MSR1: variants seen among roughly 807,000 people sequenced by gnomAD.
MSR1 encodes the protein macrophage scavenger receptor 1.
Under a neutral mutation model 47.2 loss-of-function variants are expected in MSR1, and 53 were observed. The observed-to-expected ratio is 1.12, with a 90% CI of 0.90 to 1.41. The LOEUF is 1.41. Ranked by LOEUF, MSR1 falls within the 40% of genes most tolerant of loss-of-function variation. The probability of loss-of-function intolerance (pLI) is 0.00; values close to 1 mark genes in which losing one functional copy is unlikely to be tolerated. For missense variants in MSR1, 786 were observed against 546.9 expected (o/e 1.44, Z -4.36); for synonymous variants, 239 against 185.6 (o/e 1.29, Z -2.34).
At chr8:16,177,001 C>T (rs1033942158) in intron 2 of MSR1, among the ~76,000 whole-genome samples, 7 of 152,082 alleles carry the variant, frequency 4.6e-5, no homozygotes, top group African/African-American at 1.7e-4. Flanking sequence ...ATCCCCTTAG[C>T]GATATGTATT....
In MSR1 at chr8:16,175,299, A is replaced by G. The variant is rs142585229; in HGVS notation, c.105T>C (p.Asn35=). The G allele has an allele frequency of 6.2e-7, 1 of 1,612,588 alleles. No homozygotes were observed. Among genetic ancestry groups the G allele is most frequent in the Non-Finnish European group, 8.5e-7 (1 of 1,178,744 alleles). ...ARSMTALLPP[N]PKNSPSLQEK... ...CTTGAAGGGAAGGGCTGTTTTTAGG[A>G]TCTAATAAAACAAAAAAGCCCAGCC... The change falls in exon 3 of 10, where the codon AAT becomes AAC. Residue 35 remains asparagine, a splice_region_variant and synonymous_variant. Coordinates refer to ENST00000262101, the MANE Select transcript of MSR1 (RefSeq NM_138715.3).
chr8:16,117,011 A>C (rs1799890033), intron 9 of MSR1, among the ~76,000 whole-genome samples: 1 of 152,078 alleles, frequency 6.6e-6, no homozygotes, highest in East Asian at 1.9e-4. Context: ...AAAAAGCCTC[A>C]CCTCAGCCAC....
At chr8:16,185,013 G>T (rs796781649) in intron 1 of MSR1, among the ~76,000 whole-genome samples, 1 of 152,040 alleles carries the variant, frequency 6.6e-6, no homozygotes, top group Non-Finnish European at 1.5e-5. Context: ...GAACACTGAA[G>T]CATACTCAGT....
chr8:16,120,437 C>T lies in MSR1; in HGVS notation c.1203G>A (p.Lys401=). The T allele has an allele frequency of 6.2e-7, 1 of 1,613,766 alleles. No homozygotes were observed. Among genetic ancestry groups the T allele is most frequent in the Non-Finnish European group, 8.5e-7 (1 of 1,179,886 alleles). The part of the protein sequence containing the change: ...LGYPGVQAVH[K]AAHFGQGTGP... Reference sequence around the variant, plus strand: ...AATTACCTTGTCCAAAGTGAGCTGCCTTGTGCACGGCTTGAACACCTGGGT... The same window carrying T: ...AATTACCTTGTCCAAAGTGAGCTGCTTTGTGCACGGCTTGAACACCTGGGT... The change falls in exon 9 of 10, where the codon AAG becomes AAA. Residue 401 remains lysine, a synonymous_variant. Coordinates refer to ENST00000262101, the MANE Select transcript of MSR1 (RefSeq NM_138715.3).
chr8:16,163,887 T>A (rs2117168800), intron 5 of MSR1, among the ~76,000 whole-genome samples, 178 bp downstream of exon 5: 1 of 152,082 alleles, frequency 6.6e-6, no homozygotes, highest in African/African-American at 2.4e-5. Context: ...ACCAGGCTAC[T>A]GGTTATCGTA....
intron 1 of MSR1, among the ~76,000 whole-genome samples, chr8:16,179,873 G>A (rs532380135): frequency 1.4e-5 from 1 of 72,424 alleles, no homozygotes; most frequent in South Asian, 5.6e-4. Context: ...GTGAAACCCT[G>A]TGTCTCAAAA....
chr8:16,109,067 A>C lies in MSR1; in HGVS notation c.*1018T>G, dbSNP rs1308642502. On this transcript the variant is annotated 3_prime_UTR_variant, in exon 10 of 10. Transcript: ENST00000262101. ...GTTTCAGGGTAGCTTTTCACACTCT[A>C]CACTATGGCCCTGGGGATGGGTTGA... 1 of 151,916 alleles carries C rather than the reference A, an allele frequency of 6.6e-6. No individual in the cohort carries two copies. Among genetic ancestry groups the C allele is most frequent in the Non-Finnish European group, 1.5e-5 (1 of 67,988 alleles). 9.4% of individuals were successfully genotyped at this position (151,916 alleles called of 1,614,324 possible). A position where few individuals can be genotyped will look rare whatever the true frequency, so the allele number is the denominator to read the frequency against.
chr8:16,140,987 C>T (rs752130146), intron 8 of MSR1: 2 of 1,613,932 alleles, frequency 1.2e-6, no homozygotes, highest in South Asian at 1.1e-5. Context: ...GATGTCCCGC[C>T]CAACCCACCT....
intron 5 of MSR1, among the ~76,000 whole-genome samples, chr8:16,162,952 A>G (rs79263107): frequency 6.6e-6 from 1 of 152,042 alleles, no homozygotes; most frequent in East Asian, 1.9e-4. Flanking sequence ...TTAAAAAAAA[A>G]TAAAGTAGAA....
intron 8 of MSR1, among the ~76,000 whole-genome samples, chr8:16,128,829 TC>T (rs1387956802): frequency 6.6e-6 from 1 of 152,280 alleles, no homozygotes; most frequent in East Asian, 1.9e-4. Context: ...TGATTTTTAT[TC>T]AAAAATGACA....
At chr8:16,169,232 G>T (rs536080454) in intron 3 of MSR1, among the ~76,000 whole-genome samples, 1 of 152,150 alleles carries the variant, frequency 6.6e-6, no homozygotes, top group South Asian at 2.1e-4. Flanking sequence ...GAATAAAGTG[G>T]ACTAATGCTT....
intron 3 of MSR1, among the ~76,000 whole-genome samples, chr8:16,174,103 G>C (rs1395679902): frequency 6.6e-6 from 1 of 152,158 alleles, no homozygotes; most frequent in Non-Finnish European, 1.5e-5. Context: ...TGGATAATGA[G>C]AATAATTACA....
chr8:16,110,644 C>A (rs1343313852), intron 9 of MSR1, among the ~76,000 whole-genome samples: 1 of 152,026 alleles, frequency 6.6e-6, no homozygotes, highest in Non-Finnish European at 1.5e-5. Flanking sequence ...ATAAAATAAA[C>A]CGGAAAAAGG....
At chr8:16,139,522 C>T (rs369528333) in intron 8 of MSR1, 11 of 983,854 alleles carry the variant, frequency 1.1e-5, no homozygotes, top group South Asian at 9.4e-5. Flanking sequence ...TGTGTTAAAA[C>T]GTAAAGGAAA....
intron 8 of MSR1, chr8:16,140,788 G>A (rs1468467263): frequency 1.4e-6 from 2 of 1,472,986 alleles, no homozygotes; most frequent in Admixed American, 2.6e-5. Flanking sequence ...AGTAATTGGA[G>A]TAAGAAGAGG....
chr8:16,183,744 A>T (rs1801910234), intron 1 of MSR1, among the ~76,000 whole-genome samples: 1 of 143,244 alleles, frequency 7.0e-6, no homozygotes, highest in African/African-American at 2.5e-5. Flanking sequence ...AATATATAAT[A>T]TAAATATATG....
intron 8 of MSR1, among the ~76,000 whole-genome samples, chr8:16,136,433 A>T (rs1197315452): frequency 6.6e-6 from 1 of 152,162 alleles, no homozygotes; most frequent in Non-Finnish European, 1.5e-5. Context: ...ACTCCAGTGT[A>T]GTGTAAATAT....
intron 1 of MSR1, among the ~76,000 whole-genome samples, chr8:16,179,150 A>G (rs1801749290): frequency 6.6e-6 from 1 of 152,180 alleles, no homozygotes; most frequent in South Asian, 2.1e-4. Context: ...AAAGTTTTTT[A>G]CAGGTGACAG....
chr8:16,166,258 C>T (rs779464760), intron 4 of MSR1, among the ~76,000 whole-genome samples: 6 of 148,176 alleles, frequency 4.0e-5, no homozygotes, highest in Non-Finnish European at 8.9e-5. Context: ...GCAACCTCCA[C>T]CTCCTGGGTT....
Sources: gnomAD v4.1 joint callset for allele counts (sites outside exome capture counted in the v4.1 genomes callset) on GRCh38, gnomAD v4.1.1 for gene constraint, MANE v1.5 for transcripts, NCBI Gene and HGNC (gene_info 2026-07-23, HGNC 2026-07-21) for gene names.